PDE1A: variants seen among roughly 807,000 people sequenced by gnomAD.
PDE1A encodes dual specificity calcium/calmodulin-dependent 3',5'-cyclic nucleotide phosphodiesterase 1A.
PDE1A carries 35 observed loss-of-function variants against 61.7 expected under a neutral mutation model. The ratio of observed to expected loss-of-function variants is 0.57; its 90% CI spans 0.43 to 0.75. PDE1A has a LOEUF of 0.75. Ranked by LOEUF, PDE1A falls within the 30% of genes least tolerant of loss-of-function variation. PDE1A has a pLI of 0.00. For synonymous variants in PDE1A, 232 were observed against 213.2 expected (o/e 1.09, Z -0.77); for missense variants, 597 against 630.6 (o/e 0.95, Z 0.57).
At chr2:182,265,142 A>G (rs1199212063) in intron 1 of PDE1A, among the ~76,000 whole-genome samples, 1 of 151,566 alleles carries the variant, frequency 6.6e-6, no homozygotes, top group Non-Finnish European at 1.5e-5. Flanking sequence ...AAAACACTAT[A>G]TATTGGGTAC....
upstream of PDE1A, among the ~76,000 whole-genome samples, chr2:182,430,586 A>G (rs1265455407): frequency 6.8e-5 from 5 of 73,820 alleles, no homozygotes; most frequent in Admixed American, 1.8e-4. Flanking sequence ...ATACCATTTG[A>G]CCCAGCCATC....
chr2:182,519,856 A>G (rs551389013), intron 2 of PDE1A, among the ~76,000 whole-genome samples: 1 of 152,010 alleles, frequency 6.6e-6, no homozygotes, highest in African/African-American at 2.4e-5. Flanking sequence ...TAACCTTAAA[A>G]TTTACATACT....
chr2:182,518,224 T>G (rs934235353), intron 2 of PDE1A, among the ~76,000 whole-genome samples: 2 of 151,808 alleles, frequency 1.3e-5, no homozygotes, highest in African/African-American at 4.8e-5. Context: ...CACTTCCATG[T>G]TTTTTTTGCT....
chr2:182,278,097 T>C (rs1693558208), intron 1 of PDE1A, among the ~76,000 whole-genome samples: 1 of 152,066 alleles, frequency 6.6e-6, no homozygotes, highest in African/African-American at 2.4e-5. Flanking sequence ...ACATATTTAA[T>C]ATAGTGATTA....
At chr2:182,626,304 A>T in the PDE1A span, among the ~76,000 whole-genome samples, 3 of 152,176 alleles carry the variant, frequency 2.0e-5, no homozygotes. Flanking sequence ...ATAACACTCA[A>T]TTGAATCTGA....
the PDE1A span, among the ~76,000 whole-genome samples, chr2:182,560,246 A>G: frequency 1.7e-5 from 2 of 117,344 alleles, no homozygotes; most frequent in Non-Finnish European, 3.3e-5. Flanking sequence ...CCAGAGTGTG[A>G]TGTTCCCCTT....
rs1434808303 is a variant in PDE1A, at chr2:182,465,632, A to G, written c.101+56644T>C. ...TTACTCCATAAAATATTAACCTTAA[A>G]ATATGTTTGATGCAGTTTAAAGCAA... On this transcript the variant is annotated intron_variant, in intron 2 of 14. Coordinates refer to the PDE1A transcript ENST00000410103. Among the ~76,000 whole-genome samples, 5 of 152,104 alleles carry G rather than the reference A, an allele frequency of 3.3e-5. No individual in the cohort carries two copies. In the East Asian group the frequency reaches 9.6e-4, roughly 29 times the overall value.
intron 2 of PDE1A, among the ~76,000 whole-genome samples, chr2:182,242,498 G>A (rs1690597321): frequency 6.6e-6 from 1 of 152,202 alleles, no homozygotes; most frequent in South Asian, 2.1e-4. Context: ...ACCTCCGTGA[G>A]GTTTAATTTT....
chr2:182,382,091 A>T (rs922455617), intron 1 of PDE1A, among the ~76,000 whole-genome samples: 12 of 152,234 alleles, frequency 7.9e-5, no homozygotes, highest in African/African-American at 2.9e-4. Flanking sequence ...AATAACCCTT[A>T]CCTTTTTATA....
the PDE1A span, among the ~76,000 whole-genome samples, chr2:182,674,126 G>C: frequency 6.6e-6 from 1 of 151,806 alleles, no homozygotes; most frequent in Non-Finnish European, 1.5e-5. Context: ...ATTTGACCAT[G>C]ATCACTGTTA....
the PDE1A span, among the ~76,000 whole-genome samples, chr2:182,608,666 G>A: frequency 1.8e-4 from 27 of 152,198 alleles, no homozygotes; most frequent in African/African-American, 5.5e-4. Flanking sequence ...GACCTGCAGC[G>A]GGCCATGCCT....
intron 1 of PDE1A, among the ~76,000 whole-genome samples, chr2:182,401,421 C>G (rs569989772): frequency 6.6e-6 from 1 of 152,294 alleles, no homozygotes; most frequent in African/African-American, 2.4e-5. Context: ...TGACAAAAAA[C>G]ATATGATTAT....
chr2:182,334,315 A>G (rs530268077), intron 1 of PDE1A, among the ~76,000 whole-genome samples: 1 of 151,940 alleles, frequency 6.6e-6, no homozygotes, highest in Admixed American at 6.6e-5. Flanking sequence ...CACCAAAAAA[A>G]AAAGAAAGAA....
At chr2:182,289,005 G>A (rs1282581986) in intron 1 of PDE1A, among the ~76,000 whole-genome samples, 5 of 150,260 alleles carry the variant, frequency 3.3e-5, no homozygotes, top group Admixed American at 2.0e-4. Context: ...TCTTGCTCCT[G>A]GATTCACATT....
At chr2:182,266,313 G>A (rs1195424792) in intron 1 of PDE1A, among the ~76,000 whole-genome samples, 3 of 152,064 alleles carry the variant, frequency 2.0e-5, no homozygotes, top group Non-Finnish European at 4.4e-5. Flanking sequence ...CACCAAATGT[G>A]GTTATAATGG....
At chr2:182,617,698 G>A in the PDE1A span, among the ~76,000 whole-genome samples, 1 of 152,140 alleles carries the variant, frequency 6.6e-6, no homozygotes, top group Admixed American at 6.6e-5. Context: ...TTCTCCATTT[G>A]AGTCATAGCA....
At chr2:182,512,932 T>C (rs1341142803) in intron 2 of PDE1A, among the ~76,000 whole-genome samples, 1 of 152,096 alleles carries the variant, frequency 6.6e-6, no homozygotes, top group Non-Finnish European at 1.5e-5. Flanking sequence ...GAACAAAATC[T>C]CTGAGAAATA....
the PDE1A span, among the ~76,000 whole-genome samples, chr2:182,632,541 A>T: frequency 1.3e-5 from 2 of 152,060 alleles, no homozygotes; most frequent in African/African-American, 2.4e-5. Context: ...ACTATTAGAT[A>T]CTGCAAGAAG....
At chr2:182,221,914 A>G (rs1688760090) in intron 7 of PDE1A, among the ~76,000 whole-genome samples, 1 of 152,004 alleles carries the variant, frequency 6.6e-6, no homozygotes, top group Non-Finnish European at 1.5e-5. Flanking sequence ...AGACCAGATG[A>G]TCTATACTGT....
Sources: gnomAD v4.1 joint callset for allele counts (sites outside exome capture counted in the v4.1 genomes callset) on GRCh38, gnomAD v4.1.1 for gene constraint, MANE v1.5 for transcripts, NCBI Gene and HGNC (gene_info 2026-07-23, HGNC 2026-07-21) for gene names.